The following URI1 variants were observed in gnomAD, a reference collection of about 807,000 sequenced individuals.
The protein encoded by URI1 is unconventional prefoldin RPB5 interactor 1.
A neutral mutation model predicts 60.2 loss-of-function variants in URI1; 39 were observed. The observed-to-expected ratio is 0.65, with a 90% CI of 0.50 to 0.85. The LOEUF is 0.85. Among genes scored for constraint, URI1 ranks in the 40% least tolerant of loss-of-function variants. The pLI is 0.00. For synonymous variants in URI1, 251 were observed against 236.8 expected (o/e 1.06, Z -0.55); for missense variants, 691 against 665.9 (o/e 1.04, Z -0.42).
Position 30,009,113 on chromosome 19 carries a change from T to A in URI1, c.795T>A (p.His265Gln). Residue 265 changes from histidine (H) to glutamine (Q), a missense_variant, in exon 8 of 11, where the codon CAT (histidine) becomes CAA (glutamine). By Grantham distance (24) the His-to-Gln change is conservative. Coordinates refer to ENST00000392271, the MANE Select transcript of URI1 (RefSeq NM_003796.3). The part of the protein sequence containing the change: ...VNAMHQVTDS[H>Q]TPCHKDVASS... Reference sequence around the variant, plus strand: ...CGATGCATCAAGTAACAGACTCTCATACTCCTTGTCATAAGGATGTTGCAA... The same window carrying A: ...CGATGCATCAAGTAACAGACTCTCAAACTCCTTGTCATAAGGATGTTGCAA... 1 of 1,614,074 alleles carries A rather than the reference T, an allele frequency of 6.2e-7. No homozygotes were observed. Among genetic ancestry groups the A allele is most frequent in the Non-Finnish European group, 8.5e-7 (1 of 1,179,972 alleles).
chr19:29,996,527 A>G (rs768615889), intron 4 of URI1, among the ~76,000 whole-genome samples: 2 of 152,110 alleles, frequency 1.3e-5, no homozygotes, highest in South Asian at 2.1e-4. Flanking sequence ...TGCATATTAC[A>G]TATAAGATTG....
At chr19:29,940,731 A>G (rs1285728554), upstream of URI1, among the ~76,000 whole-genome samples, 1 of 152,206 alleles carries the variant, frequency 6.6e-6, no homozygotes, top group Non-Finnish European at 1.5e-5. Context: ...AGGGAGATGC[A>G]TCACCCCCTT....
chr19:29,977,852 T>A (rs538799267), intron 2 of URI1, among the ~76,000 whole-genome samples: 31 of 152,278 alleles, frequency 2.0e-4, no homozygotes, highest in African/African-American at 6.3e-4. Flanking sequence ...GAATTTTTTT[T>A]AAATCTGAGT....
At chr19:29,973,285 A>G (rs1362124987) in intron 2 of URI1, among the ~76,000 whole-genome samples, 1 of 152,208 alleles carries the variant, frequency 6.6e-6, no homozygotes, top group Non-Finnish European at 1.5e-5. Flanking sequence ...CAGGGAAATC[A>G]CGATAATTTT....
chr19:29,942,576 C>G lies in URI1; in HGVS notation c.29C>G (p.Pro10Arg). The change falls in exon 1 of 11, where the codon CCC (proline) becomes CGC (arginine). Residue 10 changes from proline (P) to arginine (R), a missense_variant. Physicochemically the swap from Pro to Arg is moderately radical, Grantham distance 103. Coordinates refer to ENST00000392271, the MANE Select transcript of URI1 (RefSeq NM_003796.3). MEAPTVETP[P>R]DPSPPSAPAP... The stretch of plus-strand genomic sequence containing the variant: ...GAGGCGCCCACCGTGGAGACGCCCC[C>G]CGACCCCTCGCCCCCTTCGGCCCCG... The G allele has an allele frequency of 1.4e-6, 2 of 1,426,428 alleles. No homozygotes were observed. Among genetic ancestry groups the G allele is most frequent in the Non-Finnish European group, 1.8e-6 (2 of 1,092,386 alleles). The allele number at this position is 1,426,428 out of a possible 1,614,324, so 88.4% of individuals were successfully genotyped here.
At chr19:29,995,342 ATG>A (rs1248895293) in intron 4 of URI1, among the ~76,000 whole-genome samples, 1 of 151,972 alleles carries the variant, frequency 6.6e-6, no homozygotes, top group Non-Finnish European at 1.5e-5. Context: ...GCATCTTTTC[ATG>A]TGTTTATTGG....
chr19:29,948,978 C>T (rs1467103346), intron 1 of URI1, among the ~76,000 whole-genome samples: 1 of 149,754 alleles, frequency 6.7e-6, no homozygotes, highest in Non-Finnish European at 1.5e-5. Flanking sequence ...CCCCCCACCT[C>T]CCGGACGGGG....
chr19:29,993,517 G>T (rs1352962697), intron 4 of URI1, among the ~76,000 whole-genome samples: 2 of 152,188 alleles, frequency 1.3e-5, no homozygotes, highest in East Asian at 3.9e-4. Context: ...GCATTCTAAA[G>T]AAAATCTTGA....
At chr19:29,966,501 TTC>T (rs1400769033) in intron 1 of URI1, among the ~76,000 whole-genome samples, 1 of 152,196 alleles carries the variant, frequency 6.6e-6, no homozygotes, top group Non-Finnish European at 1.5e-5. Context: ...TTGCATTTTT[TTC>T]TGTTAGGAAC....
At chr19:29,982,579 G>A (rs1028900768) in intron 2 of URI1, among the ~76,000 whole-genome samples, 3 of 152,152 alleles carry the variant, frequency 2.0e-5, no homozygotes, top group African/African-American at 7.2e-5. Context: ...TTAGTGTTAT[G>A]TTATTAATAG....
intron 2 of URI1, among the ~76,000 whole-genome samples, chr19:29,976,580 A>G (rs190264403): frequency 3.9e-5 from 6 of 152,354 alleles, no homozygotes; most frequent in African/African-American, 1.4e-4. Flanking sequence ...AGGAGGCGTG[A>G]AAAAGAATTA....
intron 4 of URI1, among the ~76,000 whole-genome samples, chr19:29,999,792 G>GTA (rs921095006): frequency 1.3e-4 from 19 of 151,848 alleles, no homozygotes; most frequent in African/African-American, 4.6e-4. Flanking sequence ...TATGATAGAT[G>GTA]TATATAGCTT....
At chr19:29,985,003 C>T (rs1192860465) in intron 2 of URI1, among the ~76,000 whole-genome samples, 1 of 150,764 alleles carries the variant, frequency 6.6e-6, no homozygotes, top group Non-Finnish European at 1.5e-5. Flanking sequence ...ACTTGTAATC[C>T]CAGCTACTCA....
intron 1 of URI1, among the ~76,000 whole-genome samples, chr19:29,943,641 C>T (rs1386298868): frequency 6.6e-6 from 1 of 152,110 alleles, no homozygotes; most frequent in Non-Finnish European, 1.5e-5. Context: ...AAAATATACT[C>T]AGTTCTACTA....
intron 2 of URI1, among the ~76,000 whole-genome samples, chr19:29,982,951 G>A (rs2055616936): frequency 6.6e-6 from 1 of 152,146 alleles, no homozygotes; most frequent in South Asian, 2.1e-4. Flanking sequence ...AGACTAAGGT[G>A]AATTTGTGTA....
At chr19:29,926,233 C>CTCCTTCCTTCCTTCCTTCCT (rs35040318) in intron 1 of URI1, among the ~76,000 whole-genome samples, 2 of 131,578 alleles carry the variant, frequency 1.5e-5, no homozygotes, top group Non-Finnish European at 3.2e-5. Context: ...TTCTTCCTCT[C>CTCCTTCCTTCCTTCCTTCCT]TCCTTCCTTC....
chr19:29,989,904 T>C (rs1259856346), intron 4 of URI1, among the ~76,000 whole-genome samples: 2 of 152,166 alleles, frequency 1.3e-5, no homozygotes, highest in Admixed American at 1.3e-4. Context: ...GAAGTTCAGC[T>C]TTTAGCTTTT....
intron 1 of URI1, among the ~76,000 whole-genome samples, chr19:29,955,178 A>T (rs1157557207): frequency 2.7e-5 from 4 of 148,208 alleles, no homozygotes; most frequent in Non-Finnish European, 6.0e-5. Flanking sequence ...GTTAGCCAGG[A>T]TGGTCTCGAT....
intron 4 of URI1, among the ~76,000 whole-genome samples, chr19:29,989,419 A>G (rs1403612641): frequency 6.8e-6 from 1 of 146,356 alleles, no homozygotes; most frequent in Admixed American, 6.8e-5. Context: ...GGCCTGGGTT[A>G]TATATTTTCT....
Sources: gnomAD v4.1 joint callset for allele counts (sites outside exome capture counted in the v4.1 genomes callset) on GRCh38, gnomAD v4.1.1 for gene constraint, MANE v1.5 for transcripts, NCBI Gene and HGNC (gene_info 2026-07-23, HGNC 2026-07-21) for gene names.